DNAH7: variants seen among roughly 807,000 people sequenced by gnomAD.
DNAH7 encodes dynein axonemal heavy chain 7.
DNAH7 carries 397 observed loss-of-function variants against 444.6 expected under a neutral mutation model. The observed-to-expected ratio is 0.89, with a 90% CI of 0.82 to 0.97. DNAH7 has a LOEUF of 0.97. Among genes scored for constraint, DNAH7 ranks in the 50% least tolerant of loss-of-function variants. The pLI is 0.00. For missense variants in DNAH7, 4,902 were observed against 4,800.8 expected, an observed-to-expected ratio of 1.02 and a Z score of -0.62; for synonymous variants, 1,636 against 1,624.4, an observed-to-expected ratio of 1.01 and a Z score of -0.17.
At chr2:195,740,436 T>G (rs1327280069) in intron 64 of DNAH7, among the ~76,000 whole-genome samples, 4 of 152,048 alleles carry the variant, frequency 2.6e-5, no homozygotes, top group Non-Finnish European at 4.4e-5. Context: ...AAATAAAGGT[T>G]ATTTACTGAT....
chr2:195,976,905 G>A (rs1692250385), intron 15 of DNAH7, among the ~76,000 whole-genome samples: 1 of 152,182 alleles, frequency 6.6e-6, no homozygotes. Flanking sequence ...ACAAGGCTAT[G>A]AGATCCACAG....
intron 17 of DNAH7, among the ~76,000 whole-genome samples, chr2:195,969,180 G>C (rs1195129931): frequency 2.6e-5 from 4 of 152,208 alleles, no homozygotes; most frequent in Non-Finnish European, 5.9e-5. Flanking sequence ...GTGGTGGGGG[G>C]AGCAATCAGT....
chr2:196,003,663 G>T (rs989086746), intron 10 of DNAH7, among the ~76,000 whole-genome samples: 2 of 152,140 alleles, frequency 1.3e-5, no homozygotes, highest in African/African-American at 4.8e-5. Context: ...TTTAGGCTGG[G>T]TATTGAAGGA....
chr2:195,847,036 G>A (rs1236499358), intron 46 of DNAH7, among the ~76,000 whole-genome samples: 1 of 141,124 alleles, frequency 7.1e-6, no homozygotes, highest in East Asian at 2.0e-4. Flanking sequence ...CCCTCTAGTA[G>A]TTAATACTAC....
intron 1 of DNAH7, among the ~76,000 whole-genome samples, chr2:196,066,031 A>C (rs1698410644): frequency 6.6e-6 from 1 of 152,228 alleles, no homozygotes; most frequent in South Asian, 2.1e-4. Flanking sequence ...GATCCTGACT[A>C]ATATAATTTT....
chr2:195,874,601 A>T (rs1314835807), intron 38 of DNAH7, among the ~76,000 whole-genome samples: 12 of 95,304 alleles, frequency 1.3e-4, no homozygotes, highest in African/African-American at 4.7e-4. Flanking sequence ...TCTTTTATTT[A>T]AAAAAAAAAA....
chr2:195,809,648 A>G (rs1403290471), intron 52 of DNAH7, 97 bp downstream of exon 52: 2 of 1,148,768 alleles, frequency 1.7e-6, no homozygotes, highest in Non-Finnish European at 2.3e-6. Flanking sequence ...TTGCTTAACT[A>G]TTTACAATCT....
At chr2:195,904,121 G>A (rs1686872104) in intron 27 of DNAH7, 1 of 152,180 alleles carries the variant, frequency 6.6e-6, no homozygotes, top group African/African-American at 2.4e-5. Context: ...AGAAGGCAAT[G>A]ACAACTGGAG....
At chr2:195,915,738 T>C (rs1362318249) in intron 24 of DNAH7, among the ~76,000 whole-genome samples, 2 of 152,160 alleles carry the variant, frequency 1.3e-5, no homozygotes, top group Non-Finnish European at 2.9e-5. Flanking sequence ...CATCTGCAAC[T>C]AGATGAATTA....
At chr2:196,058,249 C>A in intron 1 of DNAH7, 133 bp from the exon 2 acceptor site, 1 of 542,502 alleles carries the variant, frequency 1.8e-6, no homozygotes, top group Non-Finnish European at 3.1e-6. Flanking sequence ...GTACAAATGG[C>A]ATGATCTTAT....
At chr2:195,918,502 C>T (rs1687822717) in intron 24 of DNAH7, among the ~76,000 whole-genome samples, 1 of 152,240 alleles carries the variant, frequency 6.6e-6, no homozygotes, top group African/African-American at 2.4e-5. Flanking sequence ...TTTATAATCA[C>T]TGAAACTTGG....
chr2:195,976,751 G>C (rs4387810), intron 15 of DNAH7, among the ~76,000 whole-genome samples: 7,410 of 119,124 alleles, frequency 0.062, 644 homozygotes, highest in African/African-American at 0.23. Context: ...GGCAGACAGA[G>C]AGAGAGAGAG....
intron 15 of DNAH7, among the ~76,000 whole-genome samples, chr2:195,976,886 A>G (rs1692248895): frequency 6.6e-6 from 1 of 152,250 alleles, no homozygotes; most frequent in South Asian, 2.1e-4. Flanking sequence ...CCACCAAGGC[A>G]GTACCTCTAC....
At chr2:195,796,424 T>A in intron 56 of DNAH7, 152 bp downstream of exon 56, 1 of 926,276 alleles carries the variant, frequency 1.1e-6, no homozygotes, top group African/African-American at 1.7e-5. Flanking sequence ...CCAGATCTGG[T>A]TTTCAATGTG....
At chr2:195,894,188 A>G (rs974319811) in intron 30 of DNAH7, 5 of 152,196 alleles carry the variant, frequency 3.3e-5, no homozygotes, top group African/African-American at 7.2e-5. Context: ...ACAAAAGTCA[A>G]GCTATTTATT....
chr2:196,012,401 C>T (rs1015672614), intron 10 of DNAH7, among the ~76,000 whole-genome samples: 2 of 152,074 alleles, frequency 1.3e-5, no homozygotes, highest in African/African-American at 4.8e-5. Flanking sequence ...ATTCTTTAAA[C>T]TCTTCTGCTT....
Position 195,816,842 on chromosome 2 carries a change from A to T in DNAH7, c.9547T>A (p.Ser3183Thr). 6.2e-7 allele frequency: 1 copy of T among 1,614,136 alleles called. No individual in the cohort carries two copies. The highest frequency in any genetic ancestry group is 1.1e-5 in the South Asian group (1 of 91,076). Residue 3183 changes from serine to threonine, a missense_variant, in exon 51 of 65, where the codon TCT (serine) becomes ACT (threonine). Physicochemically the swap from Ser to Thr is moderately conservative, Grantham distance 58. Coordinates refer to ENST00000312428, the MANE Select transcript of DNAH7 (RefSeq NM_018897.3). ...SSSKALANEI[S>T]QKQEVAEETE... ...TCTTCGGCTACTTCCTGCTTCTGAG[A>T]AATCTCATTAGCCAAGGCCTTGGAG...
chr2:195,761,040 G>T (rs1694324242), intron 61 of DNAH7, among the ~76,000 whole-genome samples: 1 of 151,968 alleles, frequency 6.6e-6, no homozygotes, highest in Non-Finnish European at 1.5e-5. Flanking sequence ...TGACCTTGCA[G>T]ACAGAGAATT....
intron 51 of DNAH7, 67 bp downstream of exon 51, chr2:195,816,561 G>A: frequency 1.7e-6 from 2 of 1,190,392 alleles, no homozygotes; most frequent in Non-Finnish European, 2.4e-6. Context: ...CAACAATAGA[G>A]GTCACAAATT....
Sources: gnomAD v4.1 joint callset for allele counts (sites outside exome capture counted in the v4.1 genomes callset) on GRCh38, gnomAD v4.1.1 for gene constraint, MANE v1.5 for transcripts, NCBI Gene and HGNC (gene_info 2026-07-23, HGNC 2026-07-21) for gene names.